The following TNFRSF1A variants were observed in gnomAD, a reference collection of about 807,000 sequenced individuals.
The protein encoded by TNFRSF1A is tumor necrosis factor receptor superfamily member 1A.
TNFRSF1A carries 9 observed loss-of-function variants against 41.6 expected under a neutral mutation model. The observed-to-expected ratio is 0.22, with a 90% CI of 0.13 to 0.38. TNFRSF1A has a LOEUF of 0.38. Ranked by LOEUF, TNFRSF1A falls within the 10% of genes least tolerant of loss-of-function variation. TNFRSF1A has a pLI of 1.00. For missense variants in TNFRSF1A, 463 were observed against 591.5 expected (o/e 0.78, Z 2.25); for synonymous variants, 254 against 248.6 (o/e 1.02, Z -0.21).
chr12:6,340,286 C>A (rs1948178081), intron 1 of TNFRSF1A, among the ~76,000 whole-genome samples: 1 of 152,200 alleles, frequency 6.6e-6, no homozygotes, highest in Non-Finnish European at 1.5e-5. Context: ...TCTATTCAAT[C>A]TTCAAAACAA....
intron 1 of TNFRSF1A, among the ~76,000 whole-genome samples, chr12:6,340,825 G>A (rs1948185725): frequency 1.3e-5 from 2 of 152,172 alleles, no homozygotes; most frequent in Admixed American, 6.5e-5. Flanking sequence ...GATGATTCCC[G>A]GACCAAGACG....
chr12:6,340,470 G>A (rs576290578), intron 1 of TNFRSF1A, among the ~76,000 whole-genome samples: 111 of 152,278 alleles, frequency 7.3e-4, no homozygotes, highest in African/African-American at 2.6e-3. Context: ...TGGGGAGACC[G>A]TGGGGGAAGG....
rs201015273 is a variant in TNFRSF1A at position 6,334,233 on chromosome 12, C to T, written c.51G>A (p.Glu17=). ...CTGAGGGGTATATTCCCACCAACAG[C>T]TCCAGGAGCACCTGGGGAAGAATCA... ...PDLLLPLVLL[E]LLVGIYPSGV... Residue 17 remains glutamate (E), a synonymous_variant, in exon 2 of 10, where the codon GAG becomes GAA. Coordinates refer to ENST00000162749, the MANE Select transcript of TNFRSF1A (RefSeq NM_001065.4). The surrounding 1 kb of genome is among the most constrained non-coding windows in gnomAD (Gnocchi z 5.1). 16 of 1,613,162 alleles carry T rather than the reference C, an allele frequency of 9.9e-6. No homozygotes were observed. Among genetic ancestry groups the T allele is most frequent in the Non-Finnish European group, 1.2e-5 (14 of 1,179,448 alleles).
Position 6,330,066 on chromosome 12 carries a change from C to G in TNFRSF1A, c.769G>C (p.Gly257Arg), listed in dbSNP as rs201623463. Residue 257 changes from glycine to arginine, a missense_variant and splice_region_variant, in exon 9 of 10, where the codon GGG becomes CGG. Physicochemically the swap from Gly to Arg is moderately radical, Grantham distance 125 (BLOSUM62 -2). Around this residue, in one of 4 missense-constraint regions of TNFRSF1A, gnomAD observed 277 missense variants for 288.8 expected, o/e 0.96. Transcript: ENST00000162749. Reference protein sequence around the residue: ...VCGKSTPEKEGELEGTTTKPL... With the variant: ...VCGKSTPEKERELEGTTTKPL... ...TTAGTAGTAGTTCCTTCAAGCTCCC[C>G]CTGAAAGAGAGAAGGTGGCGCAGCA... 30 of 1,612,710 alleles carry G rather than the reference C, an allele frequency of 1.9e-5. No individual in the cohort carries two copies. The highest frequency in any genetic ancestry group is 9.4e-5 in the African/African-American group (7 of 74,840).
At chr12:6,330,330 C>T in intron 7 of TNFRSF1A, 35 bp from the exon 8 acceptor site, 1 of 1,601,504 alleles carries the variant, frequency 6.2e-7, no homozygotes, top group Non-Finnish European at 8.6e-7. Flanking sequence ...ATAAATTTCA[C>T]TTCCTCTCTC....
chr12:6,340,439 G>T (rs1341455621), intron 1 of TNFRSF1A, among the ~76,000 whole-genome samples: 1 of 152,180 alleles, frequency 6.6e-6, no homozygotes, highest in Non-Finnish European at 1.5e-5. Context: ...ACAGAAGCAG[G>T]ATGTCAGGGC....
In TNFRSF1A at chr12:6,333,180, A is replaced by G. The variant is rs1800692; in HGVS notation, c.473-33T>C. The G allele has an allele frequency of 0.62, 997,495 of 1,608,846 alleles. 314,795 individuals carry two copies. The highest frequency in any genetic ancestry group is 0.92 in the African/African-American group (68,890 of 74,934). On this transcript the variant is annotated intron_variant, in intron 4 of 9. Transcript: ENST00000162749. This position sits in a 1 kb window ranked among gnomAD's most constrained non-coding sequence, Gnocchi z 6.3. Reference sequence around the variant, plus strand: ...GAGAAGTGCGGCACAGCTAAAGGAGAAGCGCCTGCACCCCCACCCCACAGG... The same window carrying G: ...GAGAAGTGCGGCACAGCTAAAGGAGGAGCGCCTGCACCCCCACCCCACAGG...
chr12:6,335,665 T>C (rs1948111096), intron 1 of TNFRSF1A, among the ~76,000 whole-genome samples: 1 of 152,130 alleles, frequency 6.6e-6, no homozygotes, highest in Non-Finnish European at 1.5e-5. Context: ...GTCCTCAATG[T>C]CTGTTAAACA....
rs1465987200 is a variant in TNFRSF1A at position 6,329,048 on chromosome 12, G to A, written c.*264C>T. 5.0e-6 allele frequency: 2 copies of A among 398,646 alleles called. No individual in the cohort carries two copies. Among genetic ancestry groups the A allele is most frequent in the African/African-American group, 4.1e-5 (2 of 48,494 alleles). 24.7% of individuals were successfully genotyped at this position (398,646 alleles called of 1,614,324 possible). On this transcript the variant is annotated 3_prime_UTR_variant, in exon 10 of 10. Coordinates refer to ENST00000162749, the MANE Select transcript of TNFRSF1A (RefSeq NM_001065.4). ...CCTTGCTGGTGAGGACACCCAAAACGGGCATGAGGCATAGCGTCCCTCATC... is the reference window on the plus strand; with the variant it reads ...CCTTGCTGGTGAGGACACCCAAAACAGGCATGAGGCATAGCGTCCCTCATC...
Position 6,341,691 on chromosome 12 carries a change from G to T in TNFRSF1A, c.39+85C>A. On this transcript the variant is annotated intron_variant, in intron 1 of 9. Transcript: ENST00000162749. The surrounding 1 kb of genome is among the most constrained non-coding windows in gnomAD (Gnocchi z 4.6). ...CCAGGACCAGGCCCGGGCAGGAGAG[G>T]CTCGGCCCCCTCCCGGAGAGGGCCC... The T allele has an allele frequency of 6.5e-7, 1 of 1,527,868 alleles. No individual in the cohort carries two copies. The highest frequency in any genetic ancestry group is 9.0e-7 in the Non-Finnish European group (1 of 1,111,494). 94.6% of individuals were successfully genotyped at this position (1,527,868 alleles called of 1,614,324 possible). A position where few individuals can be genotyped will look rare whatever the true frequency, so the allele number is the denominator to read the frequency against.
At chr12:6,336,864 C>T (rs1243002222) in intron 1 of TNFRSF1A, among the ~76,000 whole-genome samples, 1 of 152,258 alleles carries the variant, frequency 6.6e-6, no homozygotes, top group Admixed American at 6.5e-5. Flanking sequence ...CTGGGTTCAC[C>T]GCATTCCCAC....
chr12:6,329,594 C>T lies in TNFRSF1A; in HGVS notation c.1086G>A (p.Val362=). The part of the protein sequence containing the change: ...DTDDPATLYA[V]VENVPPLRWK... ...AGCGCAACGGGGGCACGTTCTCCAC[C>T]ACGGCGTACAGCGTCGCGGGGTCAT... Residue 362 remains valine (V), a synonymous_variant, in exon 10 of 10, where the codon GTG becomes GTA. Coordinates refer to ENST00000162749, the MANE Select transcript of TNFRSF1A (RefSeq NM_001065.4). The T allele has an allele frequency of 6.3e-7, 1 of 1,593,220 alleles. No individual in the cohort carries two copies. Among genetic ancestry groups the T allele is most frequent in the South Asian group, 1.1e-5 (1 of 90,600 alleles).
At chr12:6,332,022 A>AAAG (rs1397781368) in intron 5 of TNFRSF1A, 2 of 296,214 alleles carry the variant, frequency 6.8e-6, no homozygotes, top group Non-Finnish European at 1.3e-5. Context: ...AAAAAAAAAA[A>AAAG]AAGAAGATTA....
rs757767396 is a variant in TNFRSF1A, at chr12:6,333,434, A to G, written c.405T>C (p.Tyr135=). 3 of 1,614,140 alleles carry G rather than the reference A, an allele frequency of 1.9e-6. No homozygotes were observed. The highest frequency in any genetic ancestry group is 1.1e-5 in the South Asian group (1 of 91,072). The part of the protein sequence containing the change: ...CGCRKNQYRH[Y]WSENLFQCFN... ...AGCACTGGAAAAGGTTTTCACTCCA[A>G]TAATGCCGGTACTGGTTCTTCCTGC... Residue 135 remains tyrosine, a synonymous_variant, in exon 4 of 10, where the codon TAT becomes TAC. Transcript: ENST00000162749. This position sits in a 1 kb window ranked among gnomAD's most constrained non-coding sequence, Gnocchi z 6.3.
In TNFRSF1A at chr12:6,333,161, T is replaced by TGCGGCACAGCTAAAGGAGAAGC. The variant is rs1319256929; in HGVS notation, c.473-36_473-15dup. On this transcript the variant is annotated splice_polypyrimidine_tract_variant and intron_variant, in intron 4 of 9. Transcript: ENST00000162749. This position sits in a 1 kb window ranked among gnomAD's most constrained non-coding sequence, Gnocchi z 6.3. ...GTTTCTCCTGGCCTGTAGGGAGAAGTGCGGCACAGCTAAAGGAGAAGCGCC... is the reference window on the plus strand; with the variant it reads ...GTTTCTCCTGGCCTGTAGGGAGAAGTGCGGCACAGCTAAAGGAGAAGCGCGGCACAGCTAAAGGAGAAGCGCC... 1.9e-6 allele frequency: 3 copies of TGCGGCACAGCTAAAGGAGAAGC among 1,613,444 alleles called. No individual in the cohort carries two copies. In the East Asian group the frequency reaches 6.7e-5, roughly 36 times the overall value.
Position 6,333,980 on chromosome 12 carries a change from A to C in TNFRSF1A, c.193+111T>G. 1 of 1,611,008 alleles carries C rather than the reference A, an allele frequency of 6.2e-7. No homozygotes were observed. Among genetic ancestry groups the C allele is most frequent in the Non-Finnish European group, 8.5e-7 (1 of 1,177,644 alleles). Reference sequence around the variant, plus strand: ...AGTCTCTAGGAGAGGAGGGAGGGAGAAAATCCCAGCCCAGGAGAGACAGCA... The same window carrying C: ...AGTCTCTAGGAGAGGAGGGAGGGAGCAAATCCCAGCCCAGGAGAGACAGCA... On this transcript the variant is annotated intron_variant, in intron 2 of 9. Transcript: ENST00000162749. The surrounding 1 kb of genome is among the most constrained non-coding windows in gnomAD (Gnocchi z 6.3).
Position 6,341,695 on chromosome 12 carries a change from G to T in TNFRSF1A, c.39+81C>A. 2 of 1,508,264 alleles carry T rather than the reference G, an allele frequency of 1.3e-6. No individual in the cohort carries two copies. The highest frequency in any genetic ancestry group is 1.2e-5 in the South Asian group (1 of 83,694). The allele number at this position is 1,508,264 out of a possible 1,614,324, so 93.4% of individuals were successfully genotyped here. On this transcript the variant is annotated intron_variant, in intron 1 of 9. Transcript: ENST00000162749. This position sits in a 1 kb window ranked among gnomAD's most constrained non-coding sequence, Gnocchi z 4.6. Reference sequence around the variant, plus strand: ...GACCAGGCCCGGGCAGGAGAGGCTCGGCCCCCTCCCGGAGAGGGCCCACGC... The same window carrying T: ...GACCAGGCCCGGGCAGGAGAGGCTCTGCCCCCTCCCGGAGAGGGCCCACGC...
Position 6,334,715 on chromosome 12 carries a change from G to T in TNFRSF1A, c.40-471C>A, listed in dbSNP as rs1355366649. ...GGGTCTTGTTACGTTGCTCAGACTG[G>T]TCTCAAAATCCTGGGCTCAAGTGAT... On this transcript the variant is annotated intron_variant, in intron 1 of 9. Coordinates refer to ENST00000162749, the MANE Select transcript of TNFRSF1A (RefSeq NM_001065.4). The surrounding 1 kb of genome is among the most constrained non-coding windows in gnomAD (Gnocchi z 5.1). 1.3e-5 allele frequency among the ~76,000 whole-genome samples: 2 copies of T among 152,048 alleles called. No individual in the cohort carries two copies. Among genetic ancestry groups the T allele is most frequent in the Non-Finnish European group, 2.9e-5 (2 of 68,020 alleles).
chr12:6,336,776 C>A (rs958243999), intron 1 of TNFRSF1A, among the ~76,000 whole-genome samples: 1 of 152,244 alleles, frequency 6.6e-6, no homozygotes, highest in Non-Finnish European at 1.5e-5. Flanking sequence ...AACAGCTAAA[C>A]CCATTCCGTG....
Sources: allele counts gnomAD v4.1 joint callset (sites outside exome capture counted in the v4.1 genomes callset), GRCh38; gene constraint gnomAD v4.1.1; regional missense constraint gnomAD v4.1.1; non-coding constraint Gnocchi (gnomAD v3.1); transcripts MANE v1.5; gene names NCBI Gene and HGNC (gene_info 2026-07-23, HGNC 2026-07-21).